Variants in OPCML observed in about 807,000 individuals in gnomAD.
The protein encoded by OPCML is opioid-binding protein/cell adhesion molecule.
A neutral mutation model predicts 37.8 loss-of-function variants in OPCML; 13 were observed. The ratio of observed to expected loss-of-function variants is 0.34; its 90% CI spans 0.22 to 0.55. The LOEUF (loss-of-function observed/expected upper bound fraction) is 0.55, where lower values mean the gene tolerates loss of function less well. Ranked by LOEUF, OPCML falls within the 20% of genes least tolerant of loss-of-function variation. OPCML has a pLI of 0.91. For missense variants in OPCML, 341 were observed against 435.6 expected, an observed-to-expected ratio of 0.78 and a Z score of 1.93; for synonymous variants, 176 against 168.8, an observed-to-expected ratio of 1.04 and a Z score of -0.33.
chr11:133,372,341 T>C (rs559307757), intron 1 of OPCML, among the ~76,000 whole-genome samples: 86 of 152,344 alleles, frequency 5.6e-4, no homozygotes, highest in Non-Finnish European at 1.0e-3. Context: ...ATGTGTGTTC[T>C]TTGTTCAAGT....
Position 132,719,355 on chromosome 11 carries a change from C to G in OPCML, c.147-62036G>C, listed in dbSNP as rs77323841. ...TTGGGGAGGGTATAAGTAACACTCT[C>G]CTCTTCTGAGTTCAGGATTCATTGA... On this transcript the variant is annotated intron_variant, in intron 2 of 7. Transcript: ENST00000524381. Among the ~76,000 whole-genome samples, 865 of 152,304 alleles carry G rather than the reference C, an allele frequency of 5.7e-3. 4 individuals are homozygous for G. Among genetic ancestry groups the G allele is most frequent in the Non-Finnish European group, 9.2e-3 (629 of 68,032 alleles).
In OPCML at chr11:132,996,442, C is replaced by T. The variant is rs1339637285; in HGVS notation, c.62-53432G>A. Among the ~76,000 whole-genome samples, 3 of 148,722 alleles carry T rather than the reference C, an allele frequency of 2.0e-5. No individual in the cohort carries two copies. In the East Asian group the frequency reaches 5.9e-4, roughly 29 times the overall value. On this transcript the variant is annotated intron_variant, in intron 1 of 7. Coordinates refer to ENST00000524381, the MANE Select transcript of OPCML (RefSeq NM_001012393.5). ...GACCAGCCTGACCAATATGGTGAAACCCCATCTCTACTAAAAAAAAAAAAA... is the reference window on the plus strand; with the variant it reads ...GACCAGCCTGACCAATATGGTGAAATCCCATCTCTACTAAAAAAAAAAAAA...
At chr11:133,491,356 C>G (rs541486747) in intron 1 of OPCML, among the ~76,000 whole-genome samples, 3 of 152,256 alleles carry the variant, frequency 2.0e-5, no homozygotes, top group Admixed American at 2.0e-4. Flanking sequence ...TTGGAAGGCA[C>G]CACGACACAC....
At chr11:132,570,046 C>A (rs2096433721) in intron 3 of OPCML, among the ~76,000 whole-genome samples, 1 of 151,496 alleles carries the variant, frequency 6.6e-6, no homozygotes, top group South Asian at 2.1e-4. Context: ...AAGGGCAATT[C>A]TAAAAATTTA....
rs868473566 is a variant in OPCML, at chr11:132,724,122, G to A, written c.147-66803C>T. 3.3e-5 allele frequency among the ~76,000 whole-genome samples: 5 copies of A among 152,240 alleles called. No individual in the cohort carries two copies. The South Asian group carries it at 1.0e-3, about 32-fold the overall frequency. The stretch of plus-strand genomic sequence containing the variant: ...ACCACACTAGCACAAGGGCATTTCA[G>A]AGGGCAACTCCAGGTCAGAGCATGT... On this transcript the variant is annotated intron_variant, in intron 2 of 7. Coordinates refer to ENST00000524381, the MANE Select transcript of OPCML (RefSeq NM_001012393.5).
intron 1 of OPCML, among the ~76,000 whole-genome samples, chr11:133,314,757 G>T (rs1204137287): frequency 1.3e-5 from 2 of 152,154 alleles, no homozygotes; most frequent in Non-Finnish European, 2.9e-5. Context: ...AAGGCTCCAT[G>T]TGCCCACGGC....
At chr11:132,723,747 A>G (rs1026093719) in intron 2 of OPCML, among the ~76,000 whole-genome samples, 27 of 152,248 alleles carry the variant, frequency 1.8e-4, no homozygotes, top group African/African-American at 6.5e-4. Flanking sequence ...GCATGTGAAG[A>G]GAAATCACAT....
At chr11:132,452,388 G>A (rs1234115974) in intron 4 of OPCML, among the ~76,000 whole-genome samples, 1 of 152,054 alleles carries the variant, frequency 6.6e-6, no homozygotes, top group Non-Finnish European at 1.5e-5. Context: ...CATTTCCCAC[G>A]ATCTCCAAGG....
At chr11:133,005,844 C>T (rs2136861138) in intron 1 of OPCML, 1 of 985,298 alleles carries the variant, frequency 1.0e-6, no homozygotes, top group Non-Finnish European at 1.2e-6. Flanking sequence ...TCTTTGCTGC[C>T]TAGGATCTAT....
intron 2 of OPCML, among the ~76,000 whole-genome samples, chr11:132,906,063 G>A (rs960308429): frequency 1.3e-5 from 2 of 152,180 alleles, no homozygotes; most frequent in African/African-American, 4.8e-5. Flanking sequence ...AGCCTAAAAT[G>A]TGACTTTTAT....
chr11:133,024,504 G>C (rs1947512434), intron 1 of OPCML: 1 of 985,246 alleles, frequency 1.0e-6, no homozygotes, highest in Admixed American at 6.1e-5. Flanking sequence ...GAGATGTAGA[G>C]TTTAAGAAAC....
chr11:132,974,496 G>A (rs1000571970), intron 1 of OPCML, among the ~76,000 whole-genome samples: 1 of 152,154 alleles, frequency 6.6e-6, no homozygotes, highest in African/African-American at 2.4e-5. Flanking sequence ...AAAAAGTCAG[G>A]AAACAACAGA....
chr11:133,110,664 G>T (rs969301980), intron 1 of OPCML, among the ~76,000 whole-genome samples: 8 of 152,136 alleles, frequency 5.3e-5, no homozygotes, highest in Admixed American at 1.3e-4. Context: ...TGTTTCATTC[G>T]TTCAGTGCTG....
intron 3 of OPCML, among the ~76,000 whole-genome samples, chr11:132,653,205 T>C (rs992924334): frequency 6.6e-6 from 1 of 152,090 alleles, no homozygotes; most frequent in Non-Finnish European, 1.5e-5. Flanking sequence ...CTAGCATTTC[T>C]CCAAACTAAA....
intron 2 of OPCML, among the ~76,000 whole-genome samples, chr11:132,747,519 A>G (rs1945672618): frequency 6.6e-6 from 1 of 152,026 alleles, no homozygotes; most frequent in Non-Finnish European, 1.5e-5. Context: ...TGACTCCAGG[A>G]ACTGGAGGAA....
intron 2 of OPCML, among the ~76,000 whole-genome samples, chr11:132,708,075 G>C (rs1353464656): frequency 6.6e-6 from 1 of 152,128 alleles, no homozygotes; most frequent in Non-Finnish European, 1.5e-5. Context: ...TGTCATGTTG[G>C]AATTTGCCTC....
At position 132,662,412 on chromosome 11, in the gene OPCML, C is replaced by CAAAAAA. The variant is rs57243826; in HGVS notation, c.147-5099_147-5094dup. ...TTTTTATATTTTGTCTTTGAAAATGCAAAAAAAAAAAAAAAAAGTGCCAAG... is the reference window on the plus strand; with the variant it reads ...TTTTTATATTTTGTCTTTGAAAATGCAAAAAAAAAAAAAAAAAAAAAAAGTGCCAAG... On this transcript the variant is annotated intron_variant, in intron 2 of 7. Transcript: ENST00000524381. Among the ~76,000 whole-genome samples, 309 of 119,906 alleles carry CAAAAAA rather than the reference C, an allele frequency of 2.6e-3. 2 individuals carry two copies. Among genetic ancestry groups the CAAAAAA allele is most frequent in the South Asian group, 0.017 (60 of 3,562 alleles). The allele number at this position is 119,906 out of a possible 152,430, so 78.7% of individuals were successfully genotyped here.
At chr11:133,510,066 C>T (rs558175641) in intron 1 of OPCML, among the ~76,000 whole-genome samples, 5 of 152,276 alleles carry the variant, frequency 3.3e-5, no homozygotes, top group African/African-American at 1.2e-4. Flanking sequence ...ACACTCCTAA[C>T]ACTGCAGGTG....
chr11:133,379,824 G>T (rs1036741676), intron 1 of OPCML, among the ~76,000 whole-genome samples: 1 of 152,140 alleles, frequency 6.6e-6, no homozygotes, highest in African/African-American at 2.4e-5. Flanking sequence ...AAATATTCCT[G>T]TAGTAAAAAA....
Sources: allele counts gnomAD v4.1 joint callset (sites outside exome capture counted in the v4.1 genomes callset), GRCh38; gene constraint gnomAD v4.1.1; transcripts MANE v1.5; gene names NCBI Gene and HGNC (gene_info 2026-07-23, HGNC 2026-07-21).